MCU: variants seen among roughly 807,000 people sequenced by gnomAD.
MCU encodes calcium uniporter protein, mitochondrial.
Under a neutral mutation model 45.2 loss-of-function variants are expected in MCU, and 12 were observed. The observed-to-expected ratio is 0.27, with a 90% CI of 0.17 to 0.43. The LOEUF (loss-of-function observed/expected upper bound fraction) is 0.43. Ranked by LOEUF, MCU falls within the 20% of genes least tolerant of loss-of-function variation. The pLI, the probability that MCU is intolerant of heterozygous loss-of-function variation, is 1.00. For synonymous variants in MCU, 160 were observed against 165.1 expected, an observed-to-expected ratio of 0.97 and a Z score of 0.24; for missense variants, 324 against 436.7, an observed-to-expected ratio of 0.74 and a Z score of 2.30.
chr10:72,709,553 T>C (rs1842863962), intron 1 of MCU, among the ~76,000 whole-genome samples: 1 of 152,146 alleles, frequency 6.6e-6, no homozygotes, highest in African/African-American at 2.4e-5. Flanking sequence ...TAGACACTGC[T>C]GAATAGACAG....
intron 1 of MCU, among the ~76,000 whole-genome samples, chr10:72,707,931 C>T (rs1259551082): frequency 6.6e-6 from 1 of 152,024 alleles, no homozygotes; most frequent in Non-Finnish European, 1.5e-5. Context: ...GCCTCACCTT[C>T]TTCAGTAGCT....
At chr10:72,790,304 A>G (rs1434037984) in intron 1 of MCU, among the ~76,000 whole-genome samples, 1 of 152,218 alleles carries the variant, frequency 6.6e-6, no homozygotes. Context: ...GGAATTTGCT[A>G]TAGAAAGAGA....
chr10:72,860,157 C>T (rs2132870039), intron 3 of MCU: 1 of 351,712 alleles, frequency 2.8e-6, no homozygotes, highest in Admixed American at 3.9e-5. Flanking sequence ...CCTAGATTTC[C>T]AATGTACACC....
At chr10:72,878,111 CTTTT>C (rs10715401) in intron 6 of MCU, among the ~76,000 whole-genome samples, 8 of 77,950 alleles carry the variant, frequency 1.0e-4, no homozygotes, top group Middle Eastern at 0.012. Flanking sequence ...AATAATTTTG[CTTTT>C]TTTTTTTTTT....
intron 1 of MCU, among the ~76,000 whole-genome samples, chr10:72,726,420 G>A (rs1295370236): frequency 1.3e-5 from 2 of 152,084 alleles, no homozygotes; most frequent in East Asian, 3.8e-4. Context: ...CGTATAATAT[G>A]CCATCATATA....
chr10:72,851,778 C>T (rs957563102), intron 2 of MCU, among the ~76,000 whole-genome samples: 1 of 152,196 alleles, frequency 6.6e-6, no homozygotes, highest in Admixed American at 6.5e-5. Context: ...CTCCTCCCAT[C>T]TTCCTAACCT....
chr10:72,866,332 A>C (rs1194034135), intron 4 of MCU, among the ~76,000 whole-genome samples: 1 of 152,146 alleles, frequency 6.6e-6, no homozygotes, highest in East Asian at 1.9e-4. Context: ...CGCTTTAGTG[A>C]AAGGGCTAAA....
rs140580604 is a variant in MCU at position 72,874,058 on chromosome 10, G to T, written c.861+2478G>T. Among the ~76,000 whole-genome samples the T allele has an allele frequency of 6.5e-3, 993 of 152,120 alleles. 15 individuals carry two copies. The highest frequency in any genetic ancestry group is 0.023 in the African/African-American group (937 of 41,500). On this transcript the variant is annotated intron_variant, in intron 6 of 7. Transcript: ENST00000373053. ...TGATGCCTCTAGCTTTGTTCTTTTC[G>T]CTCAGGATTGCTCTGGCTGTTCAAG...
chr10:72,834,724 C>T (rs909574482), intron 2 of MCU, among the ~76,000 whole-genome samples: 2 of 152,068 alleles, frequency 1.3e-5, no homozygotes, highest in African/African-American at 2.4e-5. Context: ...TGCAGTGGCG[C>T]GATCTCAGCT....
chr10:72,789,650 G>C (rs1289301755), intron 1 of MCU, among the ~76,000 whole-genome samples: 1 of 152,110 alleles, frequency 6.6e-6, no homozygotes, highest in Non-Finnish European at 1.5e-5. Flanking sequence ...TCAAATGTAA[G>C]ATTGGTAAAG....
intron 1 of MCU, among the ~76,000 whole-genome samples, chr10:72,762,600 A>G (rs1225835916): frequency 6.6e-6 from 1 of 152,194 alleles, no homozygotes; most frequent in African/African-American, 2.4e-5. Flanking sequence ...TTGAAGAAAA[A>G]TGTTTTAATT....
intron 1 of MCU, among the ~76,000 whole-genome samples, chr10:72,729,789 C>A (rs1843146727): frequency 6.6e-6 from 1 of 152,110 alleles, no homozygotes. Context: ...GGGAGGCTCT[C>A]TCGTGCATTG....
intron 1 of MCU, among the ~76,000 whole-genome samples, chr10:72,800,336 G>A (rs73286764): frequency 0.053 from 8,032 of 152,234 alleles, 716 homozygotes; most frequent in African/African-American, 0.18. Context: ...TAGCCTATGT[G>A]TATAAGGTGT....
rs1208204582 is a variant in MCU at position 72,871,380 on chromosome 10, C to T, written c.661C>T (p.Arg221Ter). ...TATGATTATGTGTGCCCAATAGGTA[C>T]GAATTGAGATTAGCAGAAAAGCTGA... The part of the protein sequence containing the change: ...KEQLAPLEKV[R>*]IEISRKAEKR... The change falls in exon 6 of 8, where the codon CGA becomes TGA. Residue 221 changes from arginine to a stop codon, truncating the protein, a stop_gained. Transcript: ENST00000373053. LOFTEE classifies it high-confidence loss of function. 1 of 1,613,826 alleles carries T rather than the reference C, an allele frequency of 6.2e-7. No homozygotes were observed. The highest frequency in any genetic ancestry group is 8.5e-7 in the Non-Finnish European group (1 of 1,179,814).
intron 1 of MCU, among the ~76,000 whole-genome samples, chr10:72,804,208 T>A (rs1282769200): frequency 6.6e-6 from 1 of 150,708 alleles, no homozygotes; most frequent in East Asian, 2.0e-4. Flanking sequence ...TGCTTCAGCC[T>A]CCCAAGTAGC....
At chr10:72,832,839 TA>T (rs1260946612) in intron 1 of MCU, among the ~76,000 whole-genome samples, 2 of 152,086 alleles carry the variant, frequency 1.3e-5, no homozygotes, top group Non-Finnish European at 2.9e-5. Context: ...GAGTTGCAGT[TA>T]AAGTTACTGA....
At chr10:72,727,155 T>A (rs1843112632) in intron 1 of MCU, among the ~76,000 whole-genome samples, 1 of 152,136 alleles carries the variant, frequency 6.6e-6, no homozygotes, top group South Asian at 2.1e-4. Context: ...GTCTCTCAGC[T>A]TGAAAAGATA....
At chr10:72,782,746 A>G (rs1414036420) in intron 1 of MCU, among the ~76,000 whole-genome samples, 3 of 152,222 alleles carry the variant, frequency 2.0e-5, no homozygotes. Context: ...ATTTAACTTT[A>G]CAGGGATGTG....
At chr10:72,884,931 T>C (rs1382311060) in intron 7 of MCU, among the ~76,000 whole-genome samples, 2 of 152,226 alleles carry the variant, frequency 1.3e-5, no homozygotes, top group Non-Finnish European at 2.9e-5. Flanking sequence ...CACTCTGTTA[T>C]CTTTGATTTT....
Sources: gnomAD v4.1 joint callset for allele counts (sites outside exome capture counted in the v4.1 genomes callset) on GRCh38, gnomAD v4.1.1 for gene constraint, MANE v1.5 for transcripts, NCBI Gene and HGNC (gene_info 2026-07-23, HGNC 2026-07-21) for gene names.